CDH12: variants seen among roughly 807,000 people sequenced by gnomAD.
CDH12 encodes cadherin-12.
In CDH12, 41 loss-of-function variants were observed where a neutral mutation model predicts 74.1. The ratio of observed to expected loss-of-function variants is 0.55; its 90% CI spans 0.43 to 0.72. The LOEUF (loss-of-function observed/expected upper bound fraction) is 0.72, where lower values mean the gene tolerates loss of function less well. Ranked by LOEUF, CDH12 falls within the 30% of genes least tolerant of loss-of-function variation. The probability of loss-of-function intolerance (pLI) is 0.00; values close to 1 mark genes in which losing one functional copy is unlikely to be tolerated. For missense variants in CDH12, 945 were observed against 977.2 expected, an observed-to-expected ratio of 0.97 and a Z score of 0.44; for synonymous variants, 399 against 355.0, an observed-to-expected ratio of 1.12 and a Z score of -1.39.
intron 1 of CDH12, among the ~76,000 whole-genome samples, chr5:22,649,051 A>G (rs552897420): frequency 2.0e-5 from 3 of 152,120 alleles, no homozygotes; most frequent in Admixed American, 2.0e-4. Flanking sequence ...GTATGTGTAG[A>G]GGGATAAAAT....
chr5:22,065,033 A>G (rs1279021884), intron 5 of CDH12, among the ~76,000 whole-genome samples: 1 of 152,200 alleles, frequency 6.6e-6, no homozygotes, highest in Non-Finnish European at 1.5e-5. Context: ...CACTAAGCTC[A>G]TAATTTCTGA....
At chr5:22,581,015 T>C (rs982427695) in intron 1 of CDH12, among the ~76,000 whole-genome samples, 1 of 152,132 alleles carries the variant, frequency 6.6e-6, no homozygotes, top group Non-Finnish European at 1.5e-5. Flanking sequence ...CCAGACTTTA[T>C]AAAACTTTAG....
intron 3 of CDH12, among the ~76,000 whole-genome samples, chr5:22,229,883 G>T (rs111875862): frequency 3.3e-5 from 5 of 151,310 alleles, no homozygotes; most frequent in East Asian, 3.9e-4. Context: ...ACACACACAG[G>T]GTAGACACTT....
chr5:21,947,870 C>T (rs1755650822), intron 6 of CDH12, among the ~76,000 whole-genome samples: 1 of 152,202 alleles, frequency 6.6e-6, no homozygotes, highest in Non-Finnish European at 1.5e-5. Context: ...AACCTCAGGA[C>T]TTGGTGCCCT....
chr5:22,496,730 G>C (rs555774719), intron 2 of CDH12, among the ~76,000 whole-genome samples: 1 of 152,224 alleles, frequency 6.6e-6, no homozygotes, highest in East Asian at 1.9e-4. Context: ...TTCATCAGCA[G>C]CAATTGACCC....
chr5:22,462,207 A>G (rs1745551881), intron 2 of CDH12, among the ~76,000 whole-genome samples: 1 of 152,206 alleles, frequency 6.6e-6, no homozygotes, highest in African/African-American at 2.4e-5. Context: ...CACCAAAAAT[A>G]TACAGCTTAG....
chr5:22,271,923 T>C (rs1580467653), intron 3 of CDH12, among the ~76,000 whole-genome samples: 1 of 152,170 alleles, frequency 6.6e-6, no homozygotes, highest in East Asian at 1.9e-4. Flanking sequence ...TTTAGCATAA[T>C]TCTTAAGAAC....
intron 2 of CDH12, among the ~76,000 whole-genome samples, chr5:22,427,761 A>T (rs767802841): frequency 5.6e-4 from 86 of 152,250 alleles, no homozygotes; most frequent in Non-Finnish European, 1.0e-3. Context: ...TGGAGGAGAG[A>T]AGGCGGAGAA....
In CDH12 at chr5:21,880,641, T is replaced by C. The variant is rs560505477; in HGVS notation, c.527-25851A>G. ...CTTCTTTCTTTCTTTCTTTCTTTCT[T>C]TCTTTCTTTCTTTCTTTCTTTCTTT... On this transcript the variant is annotated intron_variant, in intron 6 of 14. Coordinates refer to ENST00000382254, the MANE Select transcript of CDH12 (RefSeq NM_004061.5). 2.8e-4 allele frequency among the ~76,000 whole-genome samples: 33 copies of C among 116,082 alleles called. No homozygotes were observed. In the South Asian group the frequency reaches 4.1e-3, roughly 15 times the overall value. 76.2% of individuals were successfully genotyped at this position (116,082 alleles called of 152,430 possible). A position where few individuals can be genotyped will look rare whatever the true frequency, so the allele number is the denominator to read the frequency against.
At chr5:22,684,166 T>C (rs550361734) in intron 1 of CDH12, among the ~76,000 whole-genome samples, 5 of 152,184 alleles carry the variant, frequency 3.3e-5, no homozygotes, top group Non-Finnish European at 7.3e-5. Flanking sequence ...TCATTTTTTT[T>C]CCTAATTTTT....
intron 2 of CDH12, among the ~76,000 whole-genome samples, chr5:22,480,040 A>C (rs1192934456): frequency 6.6e-6 from 1 of 152,198 alleles, no homozygotes; most frequent in African/African-American, 2.4e-5. Context: ...TCAATTTAGA[A>C]AAGATTTTAA....
intron 6 of CDH12, among the ~76,000 whole-genome samples, chr5:21,967,939 A>C (rs1266031009): frequency 6.6e-6 from 1 of 152,186 alleles, no homozygotes; most frequent in African/African-American, 2.4e-5. Context: ...GCACAAGTGG[A>C]AGCTGATAAT....
intron 3 of CDH12, among the ~76,000 whole-genome samples, chr5:22,377,845 G>A (rs1741599015): frequency 6.6e-6 from 1 of 152,104 alleles, no homozygotes; most frequent in Non-Finnish European, 1.5e-5. Context: ...ATTTAATTTA[G>A]TGGGCAAGGT....
At chr5:22,361,327 A>G (rs1290842174) in intron 3 of CDH12, among the ~76,000 whole-genome samples, 7 of 152,216 alleles carry the variant, frequency 4.6e-5, no homozygotes, top group African/African-American at 1.4e-4. Flanking sequence ...ACTCCCATTC[A>G]CAATTGCTTC....
At chr5:22,453,932 T>C (rs573768359) in intron 2 of CDH12, among the ~76,000 whole-genome samples, 4 of 152,284 alleles carry the variant, frequency 2.6e-5, no homozygotes, top group Admixed American at 2.6e-4. Context: ...CATTAATCCA[T>C]GAAAATTTGG....
chr5:22,624,284 A>T (rs1209808653), intron 1 of CDH12, among the ~76,000 whole-genome samples: 2 of 152,170 alleles, frequency 1.3e-5, no homozygotes, highest in African/African-American at 4.8e-5. Flanking sequence ...CCAAAAGCAA[A>T]GGTAACGAAA....
intron 2 of CDH12, among the ~76,000 whole-genome samples, chr5:22,415,958 T>C (rs1029667839): frequency 2.6e-5 from 4 of 151,478 alleles, no homozygotes; most frequent in African/African-American, 9.7e-5. Flanking sequence ...CTAAAGTAGA[T>C]TTGCTAAATG....
rs145154404 is a variant in CDH12, at chr5:21,753,033, C to G, written c.1886-797G>C. Among the ~76,000 whole-genome samples, 32 of 152,256 alleles carry G rather than the reference C, an allele frequency of 2.1e-4. No homozygotes were observed. In the East Asian group the frequency reaches 6.2e-3, roughly 29 times the overall value. On this transcript the variant is annotated intron_variant, in intron 14 of 14. Coordinates refer to ENST00000382254, the MANE Select transcript of CDH12 (RefSeq NM_004061.5). Reference sequence around the variant, plus strand: ...CTTTATTCCCAGTTGATTTAAAGCTCTCCACTAAATCAATGGTGTTTATTT... The same window carrying G: ...CTTTATTCCCAGTTGATTTAAAGCTGTCCACTAAATCAATGGTGTTTATTT...
chr5:22,451,622 A>G (rs1301795664), intron 2 of CDH12, among the ~76,000 whole-genome samples: 3 of 152,026 alleles, frequency 2.0e-5, no homozygotes, highest in Admixed American at 6.6e-5. Context: ...TGAGTGAGGA[A>G]AAGTTGAACG....
Sources: gnomAD v4.1 joint callset for allele counts (sites outside exome capture counted in the v4.1 genomes callset) on GRCh38, gnomAD v4.1.1 for gene constraint, MANE v1.5 for transcripts, NCBI Gene and HGNC (gene_info 2026-07-23, HGNC 2026-07-21) for gene names.